The following LVRN variants were observed in gnomAD, a reference collection of about 807,000 sequenced individuals.
LVRN encodes the protein laeverin, also known as aminopeptidase Q.
In LVRN, 99 loss-of-function variants were observed where a neutral mutation model predicts 111.4. The observed-to-expected ratio is 0.89, with a 90% confidence interval of 0.76 to 1.05. The LOEUF is 1.05. Ranked by LOEUF, LVRN falls within the 50% of genes least tolerant of loss-of-function variation. The probability of loss-of-function intolerance (pLI) is 0.00; values close to 1 mark genes in which losing one functional copy is unlikely to be tolerated. For missense variants in LVRN, 1,414 were observed against 1,206.8 expected, an observed-to-expected ratio of 1.17 and a Z score of -2.54; for synonymous variants, 488 against 449.5, an observed-to-expected ratio of 1.09 and a Z score of -1.08.
intron 18 of LVRN, among the ~76,000 whole-genome samples, chr5:116,018,153 C>T (rs1269936188): frequency 6.6e-6 from 1 of 152,114 alleles, no homozygotes; most frequent in African/African-American, 2.4e-5. Context: ...ACAGTTTTCA[C>T]AGCCACCCAT....
At chr5:115,988,841 C>G (rs903719336) in intron 4 of LVRN, among the ~76,000 whole-genome samples, 10 of 152,138 alleles carry the variant, frequency 6.6e-5, no homozygotes, top group Non-Finnish European at 1.5e-4. Context: ...GGCATGGAGA[C>G]CAAGCTCCTG....
intron 1 of LVRN, 59 bp downstream of exon 1, chr5:115,963,371 C>CT: frequency 7.1e-7 from 1 of 1,410,572 alleles, no homozygotes; most frequent in Non-Finnish European, 9.5e-7. Flanking sequence ...CCGGTGCAGG[C>CT]TGCGGGTCCA....
rs140338779 is a variant in LVRN at position 116,005,135 on chromosome 5, A to G, written c.2038-777A>G. Reference sequence around the variant, plus strand: ...AAGAGAATCTTTATGATTAATATTAATCTAGAAAATGTGTTAGTACTGCCA... The same window carrying G: ...AAGAGAATCTTTATGATTAATATTAGTCTAGAAAATGTGTTAGTACTGCCA... On this transcript the variant is annotated intron_variant, in intron 12 of 19. Coordinates refer to ENST00000357872, the MANE Select transcript of LVRN (RefSeq NM_173800.5). Among the ~76,000 whole-genome samples the G allele has an allele frequency of 8.5e-5, 13 of 152,348 alleles. No individual in the cohort carries two copies. In the East Asian group the frequency reaches 1.9e-3, roughly 23 times the overall value.
In LVRN at chr5:115,972,700, C is replaced by A. The variant is rs187075807; in HGVS notation, c.695+9388C>A. ...AGGGTGAAAGCATTCAGTCTTCCAT[C>A]ATTAATTATTAATTATGATTTTTCC... On this transcript the variant is annotated intron_variant, in intron 1 of 19. Transcript: ENST00000357872. Among the ~76,000 whole-genome samples the A allele has an allele frequency of 2.0e-3, 311 of 152,012 alleles. 2 individuals are homozygous for A. The highest frequency in any genetic ancestry group is 6.9e-3 in the African/African-American group (287 of 41,482).
At chr5:116,022,220 T>C in intron 18 of LVRN, 171 bp from the exon 19 acceptor site, 1 of 547,714 alleles carries the variant, frequency 1.8e-6, no homozygotes, top group Non-Finnish European at 3.3e-6. Context: ...TTAGTGTTAA[T>C]AGGATTCTCT....
intron 6 of LVRN, among the ~76,000 whole-genome samples, chr5:115,994,639 A>C (rs1000992810): frequency 8.6e-6 from 1 of 116,264 alleles, no homozygotes; most frequent in Non-Finnish European, 1.8e-5. Flanking sequence ...ATGCTACTTC[A>C]TATTTAATTA....
intron 18 of LVRN, among the ~76,000 whole-genome samples, chr5:116,016,539 A>G (rs774880423): frequency 9.8e-5 from 15 of 152,318 alleles, no homozygotes; most frequent in Non-Finnish European, 1.8e-4. Context: ...ACTGCATGCT[A>G]CTTACGAAGA....
chr5:115,979,979 A>G (rs17164367), intron 1 of LVRN, among the ~76,000 whole-genome samples: 9,479 of 152,168 alleles, frequency 0.062, 978 homozygotes, highest in African/African-American at 0.21. Context: ...CTTGACCACA[A>G]AGAAAGCAGT....
chr5:116,012,348 C>T (rs1328133948), intron 14 of LVRN, 26 bp from the exon 15 acceptor site: 11 of 1,230,438 alleles, frequency 8.9e-6, no homozygotes, highest in Non-Finnish European at 1.2e-5. Flanking sequence ...CCAGAACTAA[C>T]AGTGTATTTT....
At chr5:116,009,599 G>A (rs1204869794) in intron 13 of LVRN, among the ~76,000 whole-genome samples, 5 of 152,056 alleles carry the variant, frequency 3.3e-5, no homozygotes, top group Non-Finnish European at 7.4e-5. Flanking sequence ...AATATAAACA[G>A]GAGTTTTGAA....
intron 1 of LVRN, chr5:115,975,336 T>G: frequency 3.5e-6 from 1 of 285,942 alleles, no homozygotes; most frequent in Non-Finnish European, 6.7e-6. Flanking sequence ...TTTTGGGAGT[T>G]GCCAATATGA....
intron 1 of LVRN, among the ~76,000 whole-genome samples, chr5:115,969,958 C>T (rs1753287620): frequency 6.6e-6 from 1 of 151,890 alleles, no homozygotes; most frequent in Non-Finnish European, 1.5e-5. Context: ...CTAAGTTTAG[C>T]ATCTCTGTCA....
chr5:115,968,585 C>T (rs575282118), intron 1 of LVRN, among the ~76,000 whole-genome samples: 1 of 152,094 alleles, frequency 6.6e-6, no homozygotes, highest in African/African-American at 2.4e-5. Context: ...AGGACAGTTG[C>T]CCATCTGGTC....
chr5:116,027,130 A>G lies in LVRN; in HGVS notation c.*1012A>G, dbSNP rs1748883794. Reference sequence around the variant, plus strand: ...ACTTTACACATTTTCATCAGTCCCAATGTATGGAATTAGCTTAGTTTTCTC... The same window carrying G: ...ACTTTACACATTTTCATCAGTCCCAGTGTATGGAATTAGCTTAGTTTTCTC... On this transcript the variant is annotated 3_prime_UTR_variant, in exon 20 of 20. Transcript: ENST00000357872. 6.6e-6 allele frequency: 1 copy of G among 152,204 alleles called. No homozygotes were observed. Among genetic ancestry groups the G allele is most frequent in the South Asian group, 2.1e-4 (1 of 4,828 alleles). The allele number at this position is 152,204 out of a possible 1,614,324, so 9.4% of individuals were successfully genotyped here. A position where few individuals can be genotyped will look rare whatever the true frequency, so the allele number is the denominator to read the frequency against.
intron 1 of LVRN, among the ~76,000 whole-genome samples, chr5:115,979,470 C>A (rs1023478384): frequency 6.6e-6 from 1 of 152,114 alleles, no homozygotes; most frequent in African/African-American, 2.4e-5. Context: ...GATAGCTTCT[C>A]CAATCTCTTT....
intron 3 of LVRN, 56 bp downstream of exon 3, chr5:115,984,765 T>A (rs1476764965): frequency 6.3e-6 from 10 of 1,596,784 alleles, no homozygotes; most frequent in African/African-American, 4.0e-5. Context: ...AGATTATTCA[T>A]CTATTCTTTC....
chr5:115,984,811 G>A (rs72802763), intron 3 of LVRN, 102 bp downstream of exon 3: 44,752 of 1,467,388 alleles, frequency 0.03, 847 homozygotes, highest in Non-Finnish European at 0.033. Context: ...TCCCCAAATC[G>A]CTTCCTAGTT....
At chr5:115,969,176 C>T (rs1753266952) in intron 1 of LVRN, among the ~76,000 whole-genome samples, 1 of 152,208 alleles carries the variant, frequency 6.6e-6, no homozygotes, top group South Asian at 2.1e-4. Flanking sequence ...TAAAAGAGCC[C>T]TGGTTTATCC....
At chr5:115,999,125 T>A (rs1433994524) in intron 6 of LVRN, among the ~76,000 whole-genome samples, 1 of 152,220 alleles carries the variant, frequency 6.6e-6, no homozygotes, top group Non-Finnish European at 1.5e-5. Context: ...CAAGACTCTC[T>A]GGCTATAAAC....
Sources: gnomAD v4.1 joint callset for allele counts (sites outside exome capture counted in the v4.1 genomes callset) on GRCh38, gnomAD v4.1.1 for gene constraint, MANE v1.5 for transcripts, NCBI Gene and HGNC (gene_info 2026-07-23, HGNC 2026-07-21) for gene names.